The following LTBP1 variants were observed in gnomAD, a reference collection of about 807,000 sequenced individuals.
LTBP1 encodes the protein latent-transforming growth factor beta-binding protein 1.
In LTBP1, 129 loss-of-function variants were observed where a neutral mutation model predicts 207.6. The observed-to-expected ratio is 0.62, with a 90% CI of 0.54 to 0.72. The LOEUF (loss-of-function observed/expected upper bound fraction) is 0.72. Ranked by LOEUF, LTBP1 falls within the 30% of genes least tolerant of loss-of-function variation. The pLI, the probability that LTBP1 is intolerant of heterozygous loss-of-function variation, is 0.00. For synonymous variants in LTBP1, 963 were observed against 833.7 expected (o/e 1.16, Z -2.67); for missense variants, 2,281 against 2,217.2 (o/e 1.03, Z -0.58).
At chr2:33,039,189 T>C (rs961360809) in intron 3 of LTBP1, among the ~76,000 whole-genome samples, 4 of 152,100 alleles carry the variant, frequency 2.6e-5, no homozygotes, top group Admixed American at 2.0e-4. Context: ...TGAGAGAAAA[T>C]TGAAGTTCTG....
intron 26 of LTBP1, among the ~76,000 whole-genome samples, chr2:33,359,914 C>G (rs2094907770): frequency 6.6e-6 from 1 of 152,176 alleles, no homozygotes; most frequent in South Asian, 2.1e-4. Flanking sequence ...TGTTTTATCA[C>G]ACAGAGGGTT....
chr2:32,959,314 C>G (rs1273941602), intron 2 of LTBP1, among the ~76,000 whole-genome samples: 1 of 151,862 alleles, frequency 6.6e-6, no homozygotes, highest in Non-Finnish European at 1.5e-5. Context: ...CTGGAGGCGA[C>G]TCTTCGGAGG....
chr2:33,129,507 A>G (rs1245066087), intron 4 of LTBP1, among the ~76,000 whole-genome samples: 2 of 152,242 alleles, frequency 1.3e-5, no homozygotes, highest in African/African-American at 2.4e-5. Context: ...ATCATGTGTC[A>G]AGATGATTCT....
rs2075150830 is a variant in LTBP1, at chr2:33,021,223, T to G, written c.863+17T>G. The G allele has an allele frequency of 6.4e-7, 1 of 1,565,584 alleles. No homozygotes were observed. The highest frequency in any genetic ancestry group is 1.3e-5 in the African/African-American group (1 of 74,128). ...ACATTCTCAGTGAGTGTTTCGAACTTTCATTTAGCTAAGGATCATCTTAAT... is the reference window on the plus strand; with the variant it reads ...ACATTCTCAGTGAGTGTTTCGAACTGTCATTTAGCTAAGGATCATCTTAAT... On this transcript the variant is annotated intron_variant, in intron 3 of 33. Transcript: ENST00000404816.
chr2:33,259,446 G>A, intron 12 of LTBP1, 142 bp from the exon 13 acceptor site: 1 of 513,166 alleles, frequency 1.9e-6, no homozygotes, highest in Admixed American at 3.7e-5. Flanking sequence ...AATGGCAGAT[G>A]ATCCTAATTC....
chr2:33,114,302 C>A (rs2080602983), intron 4 of LTBP1, among the ~76,000 whole-genome samples: 3 of 152,214 alleles, frequency 2.0e-5, no homozygotes, highest in Non-Finnish European at 4.4e-5. Context: ...AATCAAGGAT[C>A]TTAGGTAGAT....
At chr2:33,151,632 A>G (rs1332343145) in intron 5 of LTBP1, among the ~76,000 whole-genome samples, 2 of 151,954 alleles carry the variant, frequency 1.3e-5, no homozygotes, top group South Asian at 4.2e-4. Flanking sequence ...CTTCCCTCTA[A>G]GTCTCTAAAG....
chr2:32,979,172 A>AT (rs1396124960), intron 2 of LTBP1, among the ~76,000 whole-genome samples: 6 of 150,118 alleles, frequency 4.0e-5, no homozygotes, highest in Admixed American at 3.3e-4. Context: ...TTTTATATAT[A>AT]TATTTTTTTC....
At chr2:33,116,922 A>G (rs767944186) in intron 4 of LTBP1, among the ~76,000 whole-genome samples, 10 of 152,228 alleles carry the variant, frequency 6.6e-5, no homozygotes, top group Non-Finnish European at 1.2e-4. Context: ...GACTTCTGAC[A>G]GAAGAAAATG....
rs1399988734 is a variant in LTBP1 at position 33,202,058 on chromosome 2, CACAG to C, written c.1701+13209_1701+13212del. Among the ~76,000 whole-genome samples the C allele has an allele frequency of 2.3e-3, 319 of 141,432 alleles. 3 individuals are homozygous for C. The highest frequency in any genetic ancestry group is 4.3e-3 in the African/African-American group (169 of 39,184). 92.8% of individuals were successfully genotyped at this position (141,432 alleles called of 152,430 possible). ...ACACACACACACACACACACACACA[CACAG>C]AGCATTCTAAAGGGCCAAATAGATA... On this transcript the variant is annotated intron_variant, in intron 7 of 33. Transcript: ENST00000404816.
chr2:33,190,752 G>A (rs1282401138), intron 7 of LTBP1, among the ~76,000 whole-genome samples: 1 of 152,102 alleles, frequency 6.6e-6, no homozygotes, highest in Non-Finnish European at 1.5e-5. Context: ...TACTATGACT[G>A]TTTTTATATC....
intron 2 of LTBP1, among the ~76,000 whole-genome samples, chr2:32,967,144 G>A (rs1343165178): frequency 6.6e-6 from 1 of 151,854 alleles, no homozygotes; most frequent in East Asian, 1.9e-4. Context: ...TTCCTTTAAC[G>A]TTCATAGGAT....
At chr2:32,990,299 G>A (rs1183414003) in intron 2 of LTBP1, among the ~76,000 whole-genome samples, 2 of 152,194 alleles carry the variant, frequency 1.3e-5, no homozygotes, top group Non-Finnish European at 2.9e-5. Flanking sequence ...GCAGGACTGG[G>A]GCACTTCTAG....
Position 33,306,468 on chromosome 2 carries a change from G to A in LTBP1, c.3482-2966G>A, listed in dbSNP as rs575413035. Among the ~76,000 whole-genome samples the A allele has an allele frequency of 2.4e-4, 37 of 152,186 alleles. No homozygotes were observed. The East Asian group carries it at 7.0e-3, about 29-fold the overall frequency. On this transcript the variant is annotated intron_variant, in intron 22 of 33. Coordinates refer to ENST00000404816, the MANE Select transcript of LTBP1 (RefSeq NM_206943.4). The stretch of plus-strand genomic sequence containing the variant: ...GCCTGTAATCCCAGCTACTGGGGAG[G>A]CTGAGGCAGGAGAATCGCTTGAACC...
chr2:33,153,261 A>G (rs950126936), intron 5 of LTBP1, among the ~76,000 whole-genome samples: 1 of 152,202 alleles, frequency 6.6e-6, no homozygotes, highest in Non-Finnish European at 1.5e-5. Context: ...TTTCATCAGA[A>G]AAGTTAAGGC....
intron 31 of LTBP1, among the ~76,000 whole-genome samples, chr2:33,378,388 G>A (rs1176514375): frequency 6.6e-6 from 1 of 151,856 alleles, no homozygotes; most frequent in Non-Finnish European, 1.5e-5. Flanking sequence ...ACCACACCTG[G>A]CTAATATTTT....
intron 25 of LTBP1, among the ~76,000 whole-genome samples, chr2:33,343,175 G>A (rs1333659541): frequency 6.6e-6 from 1 of 152,088 alleles, no homozygotes; most frequent in Non-Finnish European, 1.5e-5. Flanking sequence ...GCCAAGGTTG[G>A]AGAATTGCTT....
chr2:33,038,310 G>T (rs1389512678), intron 3 of LTBP1, among the ~76,000 whole-genome samples: 1 of 152,214 alleles, frequency 6.6e-6, no homozygotes, highest in Non-Finnish European at 1.5e-5. Context: ...GCAGTGTTTG[G>T]TTTTTTGGTT....
At chr2:33,099,312 A>G (rs1173349609) in intron 3 of LTBP1, among the ~76,000 whole-genome samples, 1 of 152,238 alleles carries the variant, frequency 6.6e-6, no homozygotes, top group African/African-American at 2.4e-5. Context: ...AGTTTCTTGC[A>G]TTCACCTTAA....
Sources: gnomAD v4.1 joint callset for allele counts (sites outside exome capture counted in the v4.1 genomes callset) on GRCh38, gnomAD v4.1.1 for gene constraint, MANE v1.5 for transcripts, NCBI Gene and HGNC (gene_info 2026-07-23, HGNC 2026-07-21) for gene names.